PRKG1: variants seen among roughly 807,000 people sequenced by gnomAD.
PRKG1 encodes protein kinase cGMP-dependent 1, also known as cGMP-dependent protein kinase 1.
Under a neutral mutation model 88.1 loss-of-function variants are expected in PRKG1, and 35 were observed. The observed-to-expected ratio is 0.40, with a 90% CI of 0.30 to 0.53. The LOEUF is 0.53. PRKG1 is among the 20% of genes least tolerant of loss of function. The pLI is 0.59. For missense variants in PRKG1, 540 were observed against 839.8 expected, an observed-to-expected ratio of 0.64 and a Z score of 4.41; for synonymous variants, 303 against 292.5, an observed-to-expected ratio of 1.04 and a Z score of -0.37.
At chr10:51,877,493 A>G (rs980471202) in intron 4 of PRKG1, among the ~76,000 whole-genome samples, 2 of 152,216 alleles carry the variant, frequency 1.3e-5, no homozygotes, top group South Asian at 4.1e-4. Context: ...AAGAATTTGT[A>G]TTTGATTACA....
intron 9 of PRKG1, among the ~76,000 whole-genome samples, chr10:52,203,224 C>T (rs117958631): frequency 0.016 from 2,419 of 152,200 alleles, 35 homozygotes; most frequent in Non-Finnish European, 0.026. Context: ...TCTTTGTTCT[C>T]ATTAGTTTCA....
At chr10:51,091,838 C>A (rs1006331955) in intron 1 of PRKG1, among the ~76,000 whole-genome samples, 1 of 152,106 alleles carries the variant, frequency 6.6e-6, no homozygotes, top group Non-Finnish European at 1.5e-5. Context: ...GGAATAATTG[C>A]TCCATTTTAG....
chr10:51,458,012 C>A (rs1334057866), intron 2 of PRKG1, among the ~76,000 whole-genome samples: 1 of 152,116 alleles, frequency 6.6e-6, no homozygotes, highest in Non-Finnish European at 1.5e-5. Flanking sequence ...TCTTATTAAG[C>A]AGATGTTTAG....
chr10:52,049,676 G>GA (rs139924679), intron 5 of PRKG1, among the ~76,000 whole-genome samples: 2,161 of 151,990 alleles, frequency 0.014, 43 homozygotes, highest in African/African-American at 0.049. Context: ...TTGAACAAGG[G>GA]AAAAAAACAA....
At chr10:52,049,418 G>A (rs1845936311) in intron 5 of PRKG1, among the ~76,000 whole-genome samples, 1 of 152,154 alleles carries the variant, frequency 6.6e-6, no homozygotes, top group Non-Finnish European at 1.5e-5. Flanking sequence ...GGAAAGGATG[G>A]AGAAGTGAAT....
intron 1 of PRKG1, among the ~76,000 whole-genome samples, chr10:51,011,495 G>A (rs10822080): frequency 0.18 from 27,494 of 152,136 alleles, 3,078 homozygotes; most frequent in South Asian, 0.3. Flanking sequence ...TTCATACTTA[G>A]AAGTAACCTC....
chr10:51,400,953 G>C (rs565475543), intron 2 of PRKG1, among the ~76,000 whole-genome samples: 1 of 152,134 alleles, frequency 6.6e-6, no homozygotes, highest in Non-Finnish European at 1.5e-5. Context: ...ATCTGGGACC[G>C]ACTACTACAT....
intron 1 of PRKG1, among the ~76,000 whole-genome samples, chr10:51,116,462 G>A (rs1845125334): frequency 6.6e-6 from 1 of 152,192 alleles, no homozygotes; most frequent in Non-Finnish European, 1.5e-5. Context: ...GGACATTCCA[G>A]TAAATTTGGG....
intron 2 of PRKG1, among the ~76,000 whole-genome samples, chr10:51,241,712 T>C (rs1839157672): frequency 6.6e-6 from 1 of 152,170 alleles, no homozygotes; most frequent in Admixed American, 6.6e-5. Flanking sequence ...AGTCTCTCTT[T>C]TTTAGATCAT....
intron 2 of PRKG1, among the ~76,000 whole-genome samples, chr10:51,212,557 A>G (rs1564640278): frequency 6.6e-6 from 1 of 152,234 alleles, no homozygotes; most frequent in African/African-American, 2.4e-5. Flanking sequence ...AAATTTTTGC[A>G]ACCTACTCAT....
intron 2 of PRKG1, among the ~76,000 whole-genome samples, chr10:51,335,003 T>TC (rs1456448523): frequency 7.5e-6 from 1 of 133,474 alleles, no homozygotes; most frequent in Non-Finnish European, 1.6e-5. Flanking sequence ...AGGTTTCTTT[T>TC]TTTTTTTTTT....
rs1469968394 is a variant in PRKG1 at position 51,274,635 on chromosome 10, A to G, written c.478+121305A>G. Among the ~76,000 whole-genome samples, 11 of 152,326 alleles carry G rather than the reference A, an allele frequency of 7.2e-5. No homozygotes were observed. In the East Asian group the frequency reaches 2.1e-3, roughly 29 times the overall value. Reference sequence around the variant, plus strand: ...TAGAAAGTTATTGATCGATCCTGTTAGAGTGGTGAGTGTTTGAAGACAGAG... The same window carrying G: ...TAGAAAGTTATTGATCGATCCTGTTGGAGTGGTGAGTGTTTGAAGACAGAG... On this transcript the variant is annotated intron_variant, in intron 2 of 17. Coordinates refer to ENST00000373980, the MANE Select transcript of PRKG1 (RefSeq NM_006258.4).
chr10:51,577,989 A>G (rs1837931378), intron 3 of PRKG1, among the ~76,000 whole-genome samples: 1 of 152,122 alleles, frequency 6.6e-6, no homozygotes, highest in African/African-American at 2.4e-5. Context: ...ACTGAAATTA[A>G]CAGATTTGTT....
intron 2 of PRKG1, among the ~76,000 whole-genome samples, chr10:51,287,417 C>A (rs907993954): frequency 6.6e-6 from 1 of 152,256 alleles, no homozygotes. Context: ...AATTTCTTCC[C>A]ATCATGTTGG....
In PRKG1 at chr10:51,353,417, C is replaced by T. The variant is rs180853120; in HGVS notation, c.479-114306C>T. ...TCTCCGTCTGACAAGGGATTAATAA[C>T]GAGAATATAGAATGAGCTCAAACAA... On this transcript the variant is annotated intron_variant, in intron 2 of 17. Coordinates refer to ENST00000373980, the MANE Select transcript of PRKG1 (RefSeq NM_006258.4). Among the ~76,000 whole-genome samples the T allele has an allele frequency of 3.3e-5, 5 of 151,706 alleles. No homozygotes were observed. In the East Asian group the frequency reaches 5.8e-4, roughly 18 times the overall value.
intron 2 of PRKG1, among the ~76,000 whole-genome samples, chr10:51,312,171 C>G (rs1309582564): frequency 6.6e-6 from 1 of 152,144 alleles, no homozygotes; most frequent in East Asian, 1.9e-4. Flanking sequence ...TGCTCCCAGC[C>G]CTTCCTGATA....
chr10:51,338,693 C>G (rs941868797), intron 2 of PRKG1, among the ~76,000 whole-genome samples: 1 of 152,174 alleles, frequency 6.6e-6, no homozygotes, highest in Non-Finnish European at 1.5e-5. Context: ...TATCATTAGT[C>G]TTAATTGAAC....
chr10:51,334,168 C>G (rs925653897), intron 2 of PRKG1, among the ~76,000 whole-genome samples: 2 of 147,324 alleles, frequency 1.4e-5, no homozygotes, highest in African/African-American at 4.9e-5. Flanking sequence ...CTCTCTCTCT[C>G]TCTCTCTCTC....
intron 2 of PRKG1, among the ~76,000 whole-genome samples, chr10:51,372,697 T>A (rs1304714892): frequency 6.6e-6 from 1 of 150,924 alleles, no homozygotes; most frequent in African/African-American, 2.5e-5. Context: ...ATAGATTTTG[T>A]CCTATTTCAA....
Sources: gnomAD v4.1 joint callset for allele counts (sites outside exome capture counted in the v4.1 genomes callset) on GRCh38, gnomAD v4.1.1 for gene constraint, MANE v1.5 for transcripts, NCBI Gene and HGNC (gene_info 2026-07-23, HGNC 2026-07-21) for gene names.